Variants in SHISA9 observed in about 807,000 individuals in gnomAD.
The protein encoded by SHISA9 is shisa family member 9.
SHISA9 carries 13 observed loss-of-function variants against 38.0 expected under a neutral mutation model. That is an observed-to-expected ratio of 0.34 (90% CI 0.22 to 0.54). The LOEUF is 0.54. Among genes scored for constraint, SHISA9 ranks in the 20% least tolerant of loss-of-function variants. SHISA9 has a pLI of 0.91. For synonymous variants in SHISA9, 275 were observed against 242.0 expected, an observed-to-expected ratio of 1.14 and a Z score of -1.27; for missense variants, 538 against 575.8, an observed-to-expected ratio of 0.93 and a Z score of 0.67.
intron 2 of SHISA9, among the ~76,000 whole-genome samples, chr16:13,079,259 T>C (rs1264452423): frequency 6.6e-6 from 1 of 152,232 alleles, no homozygotes; most frequent in African/African-American, 2.4e-5. Flanking sequence ...TGGAATTACT[T>C]CTCACCAAGC....
chr16:13,014,374 T>G (rs995819958), intron 2 of SHISA9, among the ~76,000 whole-genome samples: 1 of 152,186 alleles, frequency 6.6e-6, no homozygotes, highest in African/African-American at 2.4e-5. Flanking sequence ...GACCCTTCCC[T>G]TTTTGTTTTT....
intron 2 of SHISA9, among the ~76,000 whole-genome samples, chr16:12,938,353 GA>G (rs2071561154): frequency 6.6e-6 from 1 of 152,152 alleles, no homozygotes; most frequent in Non-Finnish European, 1.5e-5. Flanking sequence ...TACACATTTT[GA>G]GAACTCAAGG....
At chr16:13,008,660 TCC>T (rs1567179916) in intron 2 of SHISA9, among the ~76,000 whole-genome samples, 14 of 23,168 alleles carry the variant, frequency 6.0e-4, no homozygotes, top group African/African-American at 2.3e-3. Context: ...CCTCCCTCCC[TCC>T]CTTCCTCCCT....
the SHISA9 span, among the ~76,000 whole-genome samples, chr16:13,392,245 T>C: frequency 6.6e-6 from 1 of 152,210 alleles, no homozygotes; most frequent in South Asian, 2.1e-4. Context: ...AATAGACTCT[T>C]TGGAGCTGTG....
intron 2 of SHISA9, among the ~76,000 whole-genome samples, chr16:13,032,612 CTGTG>C (rs762258564): frequency 1.3e-4 from 20 of 152,292 alleles, no homozygotes; most frequent in Admixed American, 5.9e-4. Flanking sequence ...GCAGAACTGA[CTGTG>C]TAATGAAGTA....
chr16:12,920,571 T>C (rs1174166282), intron 2 of SHISA9, among the ~76,000 whole-genome samples: 4 of 152,182 alleles, frequency 2.6e-5, no homozygotes, highest in African/African-American at 9.7e-5. Flanking sequence ...GATGTGCTTA[T>C]TTCACATTGC....
intron 2 of SHISA9, among the ~76,000 whole-genome samples, chr16:13,041,550 A>C (rs1038339374): frequency 5.9e-5 from 9 of 152,202 alleles, no homozygotes; most frequent in African/African-American, 2.2e-4. Context: ...ACTTGCAAAC[A>C]AGGGGCTATA....
At chr16:12,923,564 G>T (rs1451848893) in intron 2 of SHISA9, among the ~76,000 whole-genome samples, 1 of 152,030 alleles carries the variant, frequency 6.6e-6, no homozygotes, top group East Asian at 1.9e-4. Flanking sequence ...AGACGGTAAT[G>T]AAACAGTCGG....
chr16:13,471,727 G>T, the SHISA9 span, among the ~76,000 whole-genome samples: 2 of 152,160 alleles, frequency 1.3e-5, no homozygotes, highest in African/African-American at 4.8e-5. Context: ...AGAATTTAGG[G>T]CTTTCTCTTA....
At position 12,902,144 on chromosome 16, in the gene SHISA9, C is replaced by G; in HGVS notation, c.80C>G (p.Ala27Gly). ...CARVCRAQER[A>G]GHGQLAQLGG... is the part of the protein sequence containing the mutation. ...CGCGTGTGCCGGGCGCAGGAGCGAG[C>G]GGGACACGGGCAGCTGGCGCAACTG... is the stretch of plus-strand genomic sequence containing the variant. The change falls in exon 1 of 5, where the codon GCG (alanine) becomes GGG (glycine). Residue 27 changes from alanine (A) to glycine (G), a missense_variant. This residue lies in a region of SHISA9 where 107 missense variants were observed against 103.0 expected (regional missense o/e 1.04). Transcript: ENST00000558583. 1 of 1,516,328 alleles carries G rather than the reference C, an allele frequency of 6.6e-7. No homozygotes were observed. Among genetic ancestry groups the G allele is most frequent in the East Asian group, 2.6e-5 (1 of 38,698 alleles). The allele number at this position is 1,516,328 out of a possible 1,614,324, so 93.9% of individuals were successfully genotyped here. A position where few individuals can be genotyped will look rare whatever the true frequency, so the allele number is the denominator to read the frequency against.
chr16:13,270,334 A>G, the SHISA9 span, among the ~76,000 whole-genome samples: 5 of 152,092 alleles, frequency 3.3e-5, no homozygotes, highest in African/African-American at 1.2e-4. Context: ...TAAGGACACC[A>G]TTGCAACTCT....
chr16:13,275,718 CTTGT>C, the SHISA9 span, among the ~76,000 whole-genome samples: 1 of 151,874 alleles, frequency 6.6e-6, no homozygotes, highest in African/African-American at 2.4e-5. Context: ...GGCTTTTCAT[CTTGT>C]TTGTGAAAAA....
the SHISA9 span, among the ~76,000 whole-genome samples, chr16:13,249,251 A>T: frequency 6.6e-6 from 1 of 152,178 alleles, no homozygotes; most frequent in African/African-American, 2.4e-5. Context: ...TAAAAGCAGG[A>T]CGTTTGGAGA....
At chr16:13,128,936 T>C (rs560709200) in intron 2 of SHISA9, among the ~76,000 whole-genome samples, 3 of 152,342 alleles carry the variant, frequency 2.0e-5, no homozygotes, top group Non-Finnish European at 4.4e-5. Context: ...GTGGGGATAA[T>C]AGAATTAATA....
intron 2 of SHISA9, among the ~76,000 whole-genome samples, chr16:13,173,126 T>G (rs1229965634): frequency 6.7e-6 from 1 of 149,878 alleles, no homozygotes. Context: ...AAAGGAATTG[T>G]TTATCAGTCA....
intron 2 of SHISA9, among the ~76,000 whole-genome samples, chr16:13,146,704 G>A (rs1875465975): frequency 6.6e-6 from 1 of 152,182 alleles, no homozygotes; most frequent in African/African-American, 2.4e-5. Context: ...TTAAAAACTT[G>A]TCCAAGACCG....
At chr16:13,234,487 G>C (rs534940937) in intron 4 of SHISA9, among the ~76,000 whole-genome samples, 28 of 152,278 alleles carry the variant, frequency 1.8e-4, no homozygotes, top group Non-Finnish European at 3.8e-4. Flanking sequence ...GTTGAAATGT[G>C]AATACAGGTC....
At chr16:13,067,218 A>G (rs2073445918) in intron 2 of SHISA9, among the ~76,000 whole-genome samples, 1 of 152,194 alleles carries the variant, frequency 6.6e-6, no homozygotes, top group Non-Finnish European at 1.5e-5. Context: ...TCTGGTCCTG[A>G]TGCAGGAGAA....
At chr16:13,416,249 A>G in the SHISA9 span, among the ~76,000 whole-genome samples, 1 of 152,250 alleles carries the variant, frequency 6.6e-6, no homozygotes, top group Non-Finnish European at 1.5e-5. Flanking sequence ...CCATTGGCTT[A>G]CTTAGAACCT....
Sources: gnomAD v4.1 joint callset for allele counts (sites outside exome capture counted in the v4.1 genomes callset) on GRCh38, gnomAD v4.1.1 for gene constraint, gnomAD v4.1.1 regional missense constraint, MANE v1.5 for transcripts, NCBI Gene and HGNC (gene_info 2026-07-23, HGNC 2026-07-21) for gene names.